The following MYO1E variants were observed in gnomAD, a reference collection of about 807,000 sequenced individuals.
The protein encoded by MYO1E is unconventional myosin-Ie.
In MYO1E, 68 loss-of-function variants were observed where a neutral mutation model predicts 151.1. That is an observed-to-expected ratio of 0.45 (90% CI 0.37 to 0.55). The LOEUF (loss-of-function observed/expected upper bound fraction) is 0.55, where lower values mean the gene tolerates loss of function less well. Among genes scored for constraint, MYO1E ranks in the 20% least tolerant of loss-of-function variants. The pLI is 0.00. For synonymous variants in MYO1E, 601 were observed against 501.7 expected (o/e 1.20, Z -2.64); for missense variants, 1,363 against 1,389.3 (o/e 0.98, Z 0.30).
intron 1 of MYO1E, among the ~76,000 whole-genome samples, chr15:59,335,379 T>C (rs955341952): frequency 6.6e-6 from 1 of 152,200 alleles, no homozygotes; most frequent in Non-Finnish European, 1.5e-5. Flanking sequence ...CAGTATGAGA[T>C]GTAATCTGCC....
intron 16 of MYO1E, among the ~76,000 whole-genome samples, chr15:59,198,465 AGTAG>A (rs1318678556): frequency 6.6e-6 from 1 of 152,152 alleles, no homozygotes. Flanking sequence ...CTGTAAACTA[AGTAG>A]GTTGAACTAG....
chr15:59,205,618 AT>A, intron 14 of MYO1E, 133 bp from the exon 15 acceptor site: 1 of 788,186 alleles, frequency 1.3e-6, no homozygotes, highest in Non-Finnish European at 2.2e-6. Flanking sequence ...TCACCACAAC[AT>A]GTGGATTTCC....
chr15:59,281,894 T>C (rs2080355152), intron 1 of MYO1E, among the ~76,000 whole-genome samples: 2 of 151,442 alleles, frequency 1.3e-5, no homozygotes, highest in African/African-American at 4.9e-5. Flanking sequence ...AGCCCAGGAG[T>C]TCAAGGCTGC....
At chr15:59,219,318 G>GA (rs1481176288) in intron 9 of MYO1E, among the ~76,000 whole-genome samples, 1 of 152,188 alleles carries the variant, frequency 6.6e-6, no homozygotes, top group Non-Finnish European at 1.5e-5. Context: ...CAATATGAAT[G>GA]AAAGATTTTT....
chr15:59,163,143 AGATCCGGACTTACGTATTGCT>A lies in MYO1E; in HGVS notation c.2620_2627+13del, dbSNP rs1409319433. 6.2e-7 allele frequency: 1 copy of A among 1,613,756 alleles called. No homozygotes were observed. Among genetic ancestry groups the A allele is most frequent in the Non-Finnish European group, 8.5e-7 (1 of 1,179,840 alleles). ...AGCTACACGCAGAAGTCTGGGTCCCAGATCCGGACTTACGTATTGCTGAATTTCAGAGGTAGTTGCTTCTGG... is the reference window on the plus strand; with the variant it reads ...AGCTACACGCAGAAGTCTGGGTCCCAGAATTTCAGAGGTAGTTGCTTCTGG... On this transcript the variant is annotated splice_donor_variant and splice_donor_5th_base_variant and coding_sequence_variant and intron_variant, in exon 23 of 28. Transcript: ENST00000288235. LOFTEE classifies it high-confidence loss of function.
Position 59,152,950 on chromosome 15 carries a change from A to C in MYO1E, c.3080+640T>G, listed in dbSNP as rs908836172. Among the ~76,000 whole-genome samples the C allele has an allele frequency of 5.9e-5, 9 of 152,276 alleles. No individual in the cohort carries two copies. The South Asian group carries it at 1.7e-3, about 28-fold the overall frequency. On this transcript the variant is annotated intron_variant, in intron 26 of 27. Coordinates refer to ENST00000288235, the MANE Select transcript of MYO1E (RefSeq NM_004998.4). ...ATCTACCTCCTGGCAGAGTTCACCA[A>C]CTGGCTTTCAGTTGGCGCTAGTTCC...
intron 1 of MYO1E, among the ~76,000 whole-genome samples, chr15:59,279,305 C>T (rs540883087): frequency 3.8e-4 from 58 of 152,240 alleles, no homozygotes; most frequent in Admixed American, 1.2e-3. Context: ...AGCTGGCCCC[C>T]GGTGGAGAAG....
intron 7 of MYO1E, among the ~76,000 whole-genome samples, chr15:59,225,050 A>G (rs1435755323): frequency 1.3e-5 from 2 of 152,242 alleles, no homozygotes; most frequent in African/African-American, 4.8e-5. Context: ...TCCATTGTCC[A>G]CTGAAAGGAA....
chr15:59,242,705 T>C (rs1257493343), intron 4 of MYO1E, among the ~76,000 whole-genome samples: 1 of 152,000 alleles, frequency 6.6e-6, no homozygotes, highest in Non-Finnish European at 1.5e-5. Flanking sequence ...TGAGAATATA[T>C]CCCCACAAAA....
rs2080721165 is a variant in MYO1E at position 59,335,231 on chromosome 15, TAAA to T, written c.3+37264_3+37266del. 2.0e-5 allele frequency among the ~76,000 whole-genome samples: 3 copies of T among 152,250 alleles called. No individual in the cohort carries two copies. The South Asian group carries it at 6.2e-4, about 32-fold the overall frequency. On this transcript the variant is annotated intron_variant, in intron 1 of 27. Coordinates refer to ENST00000288235, the MANE Select transcript of MYO1E (RefSeq NM_004998.4). ...TTTTGACGTTCAAATTTAAGAAGAA[TAAA>T]GAACAAGATTTGGCACCACTTGGTG...
chr15:59,297,186 A>G (rs1328369396), intron 1 of MYO1E, among the ~76,000 whole-genome samples: 13 of 151,726 alleles, frequency 8.6e-5, no homozygotes, highest in Non-Finnish European at 1.3e-4. Flanking sequence ...CTTTTTATAC[A>G]AGTCAATATT....
At chr15:59,221,674 T>G (rs1310946763) in intron 9 of MYO1E, among the ~76,000 whole-genome samples, 2 of 152,236 alleles carry the variant, frequency 1.3e-5, no homozygotes, top group East Asian at 3.9e-4. Flanking sequence ...TCAGGGAATT[T>G]CATGGGCAGT....
intron 22 of MYO1E, among the ~76,000 whole-genome samples, chr15:59,169,698 G>T (rs1169864771): frequency 6.6e-6 from 1 of 152,078 alleles, no homozygotes; most frequent in African/African-American, 2.4e-5. Flanking sequence ...AAAAGAAGCT[G>T]GTGCTCCCAT....
intron 1 of MYO1E, among the ~76,000 whole-genome samples, chr15:59,342,441 A>AG (rs2080771262): frequency 7.2e-5 from 11 of 152,126 alleles, no homozygotes; most frequent in African/African-American, 2.2e-4. Context: ...AGTCTTCCCA[A>AG]TGTTTTCTTT....
At chr15:59,365,694 A>G (rs559585952) in intron 1 of MYO1E, among the ~76,000 whole-genome samples, 14 of 152,346 alleles carry the variant, frequency 9.2e-5, no homozygotes, top group South Asian at 6.2e-4. Context: ...GTATGACCAT[A>G]AAGTGCTATA....
chr15:59,136,782 T>C lies in MYO1E; in HGVS notation c.*598A>G, dbSNP rs1298060362. 7 of 455,288 alleles carry C rather than the reference T, an allele frequency of 1.5e-5. No individual in the cohort carries two copies. Among genetic ancestry groups the C allele is most frequent in the Admixed American group, 7.1e-5 (3 of 42,450 alleles). 28.2% of individuals were successfully genotyped at this position (455,288 alleles called of 1,614,324 possible). A position where few individuals can be genotyped will look rare whatever the true frequency, so the allele number is the denominator to read the frequency against. ...CCCCAGCCCCCAGCCCCTGACCTGC[T>C]TGGCGGCCCTGATGGTCCCGGCAAA... On this transcript the variant is annotated 3_prime_UTR_variant, in exon 28 of 28. Coordinates refer to ENST00000288235, the MANE Select transcript of MYO1E (RefSeq NM_004998.4).
At chr15:59,248,205 C>T (rs969335248) in intron 4 of MYO1E, among the ~76,000 whole-genome samples, 3 of 149,528 alleles carry the variant, frequency 2.0e-5, no homozygotes, top group Non-Finnish European at 4.4e-5. Flanking sequence ...ATCTATAGGC[C>T]GGGTGCGGTG....
chr15:59,199,379 G>A (rs529758098), intron 16 of MYO1E, among the ~76,000 whole-genome samples: 4 of 152,170 alleles, frequency 2.6e-5, no homozygotes, highest in South Asian at 2.1e-4. Flanking sequence ...CACTGTGCCC[G>A]GCCTGCATTA....
At position 59,149,052 on chromosome 15, in the gene MYO1E, G is replaced by GT. The variant is rs570700878; in HGVS notation, c.3080+4537dup. Reference sequence around the variant, plus strand: ...GTGGATGAACTGTTTTTTTTTTTTTGTTTTTTTTTTTTTTTTTTTTTTGAG... The same window carrying GT: ...GTGGATGAACTGTTTTTTTTTTTTTGTTTTTTTTTTTTTTTTTTTTTTTGAG... On this transcript the variant is annotated intron_variant, in intron 26 of 27. Transcript: ENST00000288235. 5.9e-3 allele frequency among the ~76,000 whole-genome samples: 750 copies of GT among 128,000 alleles called. 11 individuals carry two copies. Among genetic ancestry groups the GT allele is most frequent in the Non-Finnish European group, 6.8e-3 (420 of 62,040 alleles). 84.0% of individuals were successfully genotyped at this position (128,000 alleles called of 152,430 possible). A position where few individuals can be genotyped will look rare whatever the true frequency, so the allele number is the denominator to read the frequency against.
Sources: allele counts gnomAD v4.1 joint callset (sites outside exome capture counted in the v4.1 genomes callset), GRCh38; gene constraint gnomAD v4.1.1; transcripts MANE v1.5; gene names NCBI Gene and HGNC (gene_info 2026-07-23, HGNC 2026-07-21).